The following GLRA3 variants were observed in gnomAD, a reference collection of about 807,000 sequenced individuals.
GLRA3 encodes glycine receptor subunit alpha-3.
A neutral mutation model predicts 60.4 loss-of-function variants in GLRA3; 44 were observed. The observed-to-expected ratio is 0.73, with a 90% CI of 0.57 to 0.94. The LOEUF is 0.94. Among genes scored for constraint, GLRA3 ranks in the 40% least tolerant of loss-of-function variants. GLRA3 has a pLI of 0.00. For missense variants in GLRA3, 508 were observed against 564.6 expected, an observed-to-expected ratio of 0.90 and a Z score of 1.02; for synonymous variants, 223 against 192.9, an observed-to-expected ratio of 1.16 and a Z score of -1.29.
intron 4 of GLRA3, among the ~76,000 whole-genome samples, chr4:174,723,561 C>T (rs1048048581): frequency 6.6e-6 from 1 of 151,996 alleles, no homozygotes; most frequent in African/African-American, 2.4e-5. Flanking sequence ...AATAAATAAT[C>T]TAGATATTCT....
chr4:174,822,345 G>T (rs1160253765), intron 1 of GLRA3, among the ~76,000 whole-genome samples: 1 of 152,042 alleles, frequency 6.6e-6, no homozygotes, highest in Non-Finnish European at 1.5e-5. Flanking sequence ...TCAAATATAG[G>T]CCCAATTTTT....
Position 174,731,183 on chromosome 4 carries a change from T to C in GLRA3, c.268-2485A>G, listed in dbSNP as rs553742756. ...GTTTTGCTTTGCCTGCAAATGAACA[T>C]TGAGATGGAAAGCTATTAAATAACC... On this transcript the variant is annotated intron_variant, in intron 3 of 9. Coordinates refer to ENST00000274093, the MANE Select transcript of GLRA3 (RefSeq NM_006529.4). 2.6e-5 allele frequency among the ~76,000 whole-genome samples: 4 copies of C among 152,284 alleles called. No homozygotes were observed. The East Asian group carries it at 7.7e-4, about 29-fold the overall frequency.
intron 3 of GLRA3, among the ~76,000 whole-genome samples, chr4:174,758,695 A>T (rs1185901352): frequency 6.6e-6 from 1 of 152,184 alleles, no homozygotes; most frequent in Non-Finnish European, 1.5e-5. Flanking sequence ...TAACTAATGT[A>T]ACATGGTAAT....
intron 2 of GLRA3, among the ~76,000 whole-genome samples, chr4:174,768,678 G>A (rs1738250356): frequency 6.6e-6 from 1 of 152,066 alleles, no homozygotes; most frequent in Non-Finnish European, 1.5e-5. Context: ...CTCTGAAAGA[G>A]GGAAATATTC....
chr4:174,791,066 C>T (rs1739328294), intron 1 of GLRA3, among the ~76,000 whole-genome samples: 1 of 149,954 alleles, frequency 6.7e-6, no homozygotes, highest in Non-Finnish European at 1.5e-5. Flanking sequence ...ACATTGTGCA[C>T]AGAATGTGGG....
chr4:174,734,506 T>C (rs539386413), intron 3 of GLRA3, among the ~76,000 whole-genome samples: 7 of 152,344 alleles, frequency 4.6e-5, no homozygotes, highest in East Asian at 3.9e-4. Context: ...TTATAAGAAC[T>C]ATTTAGAGGC....
chr4:174,827,623 A>T (rs947716179), intron 1 of GLRA3, among the ~76,000 whole-genome samples: 7 of 151,962 alleles, frequency 4.6e-5, no homozygotes, highest in African/African-American at 7.2e-5. Context: ...CTTTGGTTAA[A>T]AATAGTTCAA....
chr4:174,778,101 A>G (rs1016751503), intron 2 of GLRA3, among the ~76,000 whole-genome samples: 1 of 152,026 alleles, frequency 6.6e-6, no homozygotes, highest in African/African-American at 2.4e-5. Flanking sequence ...TCTTCCCTTA[A>G]TTCTTAACCT....
intron 5 of GLRA3, among the ~76,000 whole-genome samples, chr4:174,690,274 A>C (rs1471068724): frequency 6.6e-6 from 1 of 152,202 alleles, no homozygotes; most frequent in Non-Finnish European, 1.5e-5. Context: ...TATATTTCAG[A>C]TTAATATCCA....
Position 174,640,088 on chromosome 4 carries a change from G to A in GLRA3, c.*3698C>T, listed in dbSNP as rs1194335795. On this transcript the variant is annotated 3_prime_UTR_variant, in exon 10 of 10. Transcript: ENST00000274093. ...ATTAACTAGATGAAAAATATAGGTCGTATATGCTGATAAATTTTGGGAGTT... is the reference window on the plus strand; with the variant it reads ...ATTAACTAGATGAAAAATATAGGTCATATATGCTGATAAATTTTGGGAGTT... 2 of 152,028 alleles carry A rather than the reference G, an allele frequency of 1.3e-5. No individual in the cohort carries two copies. Among genetic ancestry groups the A allele is most frequent in the African/African-American group, 2.4e-5 (1 of 41,430 alleles). The allele number at this position is 152,028 out of a possible 1,614,324, so 9.4% of individuals were successfully genotyped here. A position where few individuals can be genotyped will look rare whatever the true frequency, so the allele number is the denominator to read the frequency against.
At chr4:174,699,164 A>C (rs1190508399) in intron 5 of GLRA3, among the ~76,000 whole-genome samples, 1 of 151,520 alleles carries the variant, frequency 6.6e-6, no homozygotes. Context: ...CGCCTGGCTA[A>C]TTTTTTTTGT....
In GLRA3 at chr4:174,669,212, A is replaced by G. The variant is rs1411597999; in HGVS notation, c.927+7866T>C. Among the ~76,000 whole-genome samples, 3 of 152,114 alleles carry G rather than the reference A, an allele frequency of 2.0e-5. No individual in the cohort carries two copies. The East Asian group carries it at 5.8e-4, about 29-fold the overall frequency. On this transcript the variant is annotated intron_variant, in intron 7 of 9. Coordinates refer to ENST00000274093, the MANE Select transcript of GLRA3 (RefSeq NM_006529.4). ...TAAGAATTTTACATTTTGTAACAGG[A>G]AAAAATAATATTAATCTCAAAAGCA...
chr4:174,827,239 C>T (rs2111414120), intron 1 of GLRA3, among the ~76,000 whole-genome samples: 1 of 151,876 alleles, frequency 6.6e-6, no homozygotes, highest in Non-Finnish European at 1.5e-5. Context: ...GGACAAAAGT[C>T]AGAGAATCTA....
At chr4:174,706,162 AG>A (rs1735510771) in intron 5 of GLRA3, among the ~76,000 whole-genome samples, 1 of 151,892 alleles carries the variant, frequency 6.6e-6, no homozygotes, top group Non-Finnish European at 1.5e-5. Flanking sequence ...CCCGGGAGGC[AG>A]AGCTTGCAGT....
Position 174,677,426 on chromosome 4 carries a change from C to G in GLRA3, c.713-134G>C, listed in dbSNP as rs1734177365. ...CCAGGCTGGAGTGAAGTGGCATGAT[C>G]TCAGCTCACTGTAGCCTGCGCCTCC... is the stretch of plus-strand genomic sequence containing the variant. On this transcript the variant is annotated intron_variant, in intron 6 of 9. Coordinates refer to ENST00000274093, the MANE Select transcript of GLRA3 (RefSeq NM_006529.4). 40 of 605,860 alleles carry G rather than the reference C, an allele frequency of 6.6e-5. No individual in the cohort carries two copies. The South Asian group carries it at 6.9e-4, about 10-fold the overall frequency. 37.5% of individuals were successfully genotyped at this position (605,860 alleles called of 1,614,324 possible). A position where few individuals can be genotyped will look rare whatever the true frequency, so the allele number is the denominator to read the frequency against.
rs147292214 is a variant in GLRA3, at chr4:174,769,114, C to A, written c.200-2084G>T. Among the ~76,000 whole-genome samples the A allele has an allele frequency of 4.4e-3, 667 of 152,102 alleles. 3 individuals carry two copies. The highest frequency in any genetic ancestry group is 0.017 in the Middle Eastern group (5 of 294). ...TTTTTCAGAGATAATTACTTCAATT[C>A]ATTTAATCATCAATTCTTCGGATAT... is the stretch of plus-strand genomic sequence containing the variant. On this transcript the variant is annotated intron_variant, in intron 2 of 9. Coordinates refer to ENST00000274093, the MANE Select transcript of GLRA3 (RefSeq NM_006529.4).
At chr4:174,776,450 A>G (rs1439867741) in intron 2 of GLRA3, among the ~76,000 whole-genome samples, 1 of 152,182 alleles carries the variant, frequency 6.6e-6, no homozygotes, top group African/African-American at 2.4e-5. Context: ...ATAAATAAAC[A>G]TAATTTATCC....
chr4:174,777,349 T>C lies in GLRA3; in HGVS notation c.200-10319A>G, dbSNP rs112412025. Among the ~76,000 whole-genome samples the C allele has an allele frequency of 6.6e-3, 1,010 of 152,292 alleles. 9 individuals carry two copies. Among genetic ancestry groups the C allele is most frequent in the African/African-American group, 0.022 (929 of 41,560 alleles). ...CAAAACAGATTATCCTGGAATATTA[T>C]TCAATGATGAAAAGAAATGAGCTAT... On this transcript the variant is annotated intron_variant, in intron 2 of 9. Coordinates refer to ENST00000274093, the MANE Select transcript of GLRA3 (RefSeq NM_006529.4).
chr4:174,782,001 A>G (rs1461469357), intron 2 of GLRA3, among the ~76,000 whole-genome samples: 2 of 150,504 alleles, frequency 1.3e-5, no homozygotes, highest in Non-Finnish European at 3.0e-5. Flanking sequence ...AAAGCCGGGC[A>G]GAGACACAAC....
Sources: allele counts gnomAD v4.1 joint callset (sites outside exome capture counted in the v4.1 genomes callset), GRCh38; gene constraint gnomAD v4.1.1; transcripts MANE v1.5; gene names NCBI Gene and HGNC (gene_info 2026-07-23, HGNC 2026-07-21).